Variants in HDAC9 observed in about 807,000 individuals in gnomAD.
The protein encoded by HDAC9 is MEF-2 interacting transcription repressor (MITR) protein.
In HDAC9, 41 loss-of-function variants were observed where a neutral mutation model predicts 139.4. The ratio of observed to expected loss-of-function variants is 0.29; its 90% CI spans 0.23 to 0.38. HDAC9 has a LOEUF of 0.38. HDAC9 is among the 10% of genes least tolerant of loss of function. HDAC9 has a pLI of 1.00. For synonymous variants in HDAC9, 517 were observed against 476.2 expected, an observed-to-expected ratio of 1.09 and a Z score of -1.12; for missense variants, 1,147 against 1,297.0, an observed-to-expected ratio of 0.88 and a Z score of 1.78.
chr7:18,800,558 G>A (rs1793200016), intron 17 of HDAC9, among the ~76,000 whole-genome samples: 1 of 152,130 alleles, frequency 6.6e-6, no homozygotes. Context: ...TTGGGCAAGG[G>A]ATGGCGGTGC....
At chr7:18,561,627 A>G (rs1418856509) in intron 2 of HDAC9, among the ~76,000 whole-genome samples, 1 of 146,882 alleles carries the variant, frequency 6.8e-6, no homozygotes, top group Non-Finnish European at 1.5e-5. Context: ...ATAATTAATC[A>G]CTAATCTATT....
intron 25 of HDAC9, among the ~76,000 whole-genome samples, chr7:18,982,114 AC>A (rs1784992819): frequency 6.6e-6 from 1 of 152,172 alleles, no homozygotes; most frequent in South Asian, 2.1e-4. Flanking sequence ...AGAAGCCCTT[AC>A]TTTACAAGAC....
intron 1 of HDAC9, among the ~76,000 whole-genome samples, chr7:18,337,640 C>T (rs17347060): frequency 0.022 from 3,372 of 151,696 alleles, 51 homozygotes; most frequent in Middle Eastern, 0.037. Flanking sequence ...AGACTTGCAG[C>T]GTGTGTATGT....
rs77656412 is a variant in HDAC9, at chr7:18,396,769, C to T, written c.-41-99493C>T. 5.8e-3 allele frequency among the ~76,000 whole-genome samples: 886 copies of T among 152,248 alleles called. 5 individuals carry two copies. The highest frequency in any genetic ancestry group is 0.02 in the African/African-American group (837 of 41,540). On this transcript the variant is annotated intron_variant, in intron 1 of 3. Transcript: ENST00000413509. ...AGACTGCTAAATATTTGGAATTTTA[C>T]ATGGGAAAAATACTTCAGTTAGCAT...
chr7:18,450,449 G>A (rs544459265), intron 1 of HDAC9, among the ~76,000 whole-genome samples: 3 of 152,106 alleles, frequency 2.0e-5, no homozygotes, highest in Admixed American at 6.6e-5. Context: ...TTATTTCAGC[G>A]GCAGAAGAAT....
At chr7:18,499,123 T>C (rs1386834427) in intron 2 of HDAC9, among the ~76,000 whole-genome samples, 1 of 152,038 alleles carries the variant, frequency 6.6e-6, no homozygotes, top group Non-Finnish European at 1.5e-5. Context: ...TGTCTCATTA[T>C]GTAATAAAGG....
chr7:18,785,402 C>A (rs1033527257), intron 16 of HDAC9, among the ~76,000 whole-genome samples: 2 of 151,846 alleles, frequency 1.3e-5, no homozygotes, highest in South Asian at 2.1e-4. Context: ...AGTAGCACAC[C>A]TCCCTTACTC....
intron 11 of HDAC9, among the ~76,000 whole-genome samples, chr7:18,652,816 A>G (rs1047616268): frequency 8.5e-5 from 13 of 152,168 alleles, no homozygotes; most frequent in African/African-American, 2.4e-5. Context: ...TTATTAATCT[A>G]TGTATGGATG....
chr7:18,396,955 C>G (rs1354962412), intron 1 of HDAC9, among the ~76,000 whole-genome samples: 1 of 151,904 alleles, frequency 6.6e-6, no homozygotes, highest in Non-Finnish European at 1.5e-5. Context: ...TACCTTCTCT[C>G]CCAATACCGA....
intron 13 of HDAC9, among the ~76,000 whole-genome samples, chr7:18,742,556 C>T (rs1020499444): frequency 6.6e-6 from 1 of 152,106 alleles, no homozygotes; most frequent in African/African-American, 2.4e-5. Context: ...TTGCTTTATT[C>T]GGATGATTTG....
At chr7:18,385,486 C>T (rs1441245277) in intron 1 of HDAC9, among the ~76,000 whole-genome samples, 2 of 152,156 alleles carry the variant, frequency 1.3e-5, no homozygotes, top group Non-Finnish European at 2.9e-5. Context: ...AAAGATACAT[C>T]ACTATATCAC....
At chr7:18,945,805 A>G (rs1327931042) in intron 23 of HDAC9, among the ~76,000 whole-genome samples, 5 of 151,998 alleles carry the variant, frequency 3.3e-5, no homozygotes, top group Admixed American at 1.3e-4. Context: ...TTGGGAGGCC[A>G]AGGTGGGCGA....
At chr7:18,915,806 C>T (rs578017921) in intron 22 of HDAC9, among the ~76,000 whole-genome samples, 2 of 151,776 alleles carry the variant, frequency 1.3e-5, no homozygotes, top group African/African-American at 4.8e-5. Flanking sequence ...ACAACAAAAT[C>T]ACTTTTTCTC....
chr7:18,492,261 T>A (rs1392640561), upstream of HDAC9, among the ~76,000 whole-genome samples: 1 of 152,004 alleles, frequency 6.6e-6, no homozygotes. Context: ...CATTCAGGAT[T>A]ATGGCATGTG....
At chr7:18,346,016 A>G (rs548143515) in intron 1 of HDAC9, among the ~76,000 whole-genome samples, 11 of 151,982 alleles carry the variant, frequency 7.2e-5, no homozygotes, top group Non-Finnish European at 1.6e-4. Context: ...ATTTTTCTCA[A>G]TTTTTTCTAG....
intron 2 of HDAC9, among the ~76,000 whole-genome samples, chr7:18,192,347 T>C (rs944188999): frequency 2.0e-5 from 3 of 152,212 alleles, no homozygotes; most frequent in African/African-American, 7.2e-5. Context: ...GCTATTGCAT[T>C]TGTAAATATT....
intron 1 of HDAC9, among the ~76,000 whole-genome samples, chr7:18,119,519 C>A (rs1450008936): frequency 1.3e-5 from 2 of 152,202 alleles, no homozygotes; most frequent in African/African-American, 4.8e-5. Context: ...GTCTTCTAAA[C>A]TCTAGAGAAC....
At chr7:18,174,026 A>G (rs552524455) in intron 2 of HDAC9, among the ~76,000 whole-genome samples, 1 of 152,296 alleles carries the variant, frequency 6.6e-6, no homozygotes, top group South Asian at 2.1e-4. Context: ...CTCCTCGATA[A>G]TATCCTGAAG....
chr7:18,297,292 A>G (rs1042272658), intron 1 of HDAC9, among the ~76,000 whole-genome samples: 1 of 152,172 alleles, frequency 6.6e-6, no homozygotes, highest in Non-Finnish European at 1.5e-5. Context: ...ATGTCCACGT[A>G]TAGGCTTCCT....
Sources: gnomAD v4.1 joint callset for allele counts (sites outside exome capture counted in the v4.1 genomes callset) on GRCh38, gnomAD v4.1.1 for gene constraint, MANE v1.5 for transcripts, NCBI Gene and HGNC (gene_info 2026-07-23, HGNC 2026-07-21) for gene names.